The following NKAIN2 variants were observed in gnomAD, a reference collection of about 807,000 sequenced individuals.
The protein encoded by NKAIN2 is sodium/potassium-transporting ATPase subunit beta-1-interacting protein 2.
A neutral mutation model predicts 32.6 loss-of-function variants in NKAIN2; 14 were observed. The observed-to-expected ratio is 0.43, with a 90% CI of 0.28 to 0.67. The LOEUF is 0.67. NKAIN2 is among the 30% of genes least tolerant of loss of function. The pLI is 0.17. For synonymous variants in NKAIN2, 80 were observed against 87.2 expected, an observed-to-expected ratio of 0.92 and a Z score of 0.46; for missense variants, 198 against 258.3, an observed-to-expected ratio of 0.77 and a Z score of 1.60.
chr6:124,460,252 T>G (rs1776480909), intron 3 of NKAIN2, among the ~76,000 whole-genome samples: 1 of 151,814 alleles, frequency 6.6e-6, no homozygotes, highest in African/African-American at 2.4e-5. Flanking sequence ...AGTTCTACTT[T>G]AAAATATTTT....
chr6:124,554,021 A>G (rs564274118), intron 3 of NKAIN2, among the ~76,000 whole-genome samples: 8 of 152,346 alleles, frequency 5.3e-5, no homozygotes, highest in African/African-American at 1.9e-4. Context: ...ACAAAATGTT[A>G]TTATCATAAA....
chr6:124,251,857 G>A (rs1024864855), intron 1 of NKAIN2, among the ~76,000 whole-genome samples: 1 of 151,902 alleles, frequency 6.6e-6, no homozygotes, highest in African/African-American at 2.4e-5. Context: ...TGCCTAAAAA[G>A]TCTACTTCTA....
chr6:124,252,907 A>C (rs904754583), intron 1 of NKAIN2, among the ~76,000 whole-genome samples: 1 of 152,212 alleles, frequency 6.6e-6, no homozygotes, highest in Non-Finnish European at 1.5e-5. Flanking sequence ...CACTTAAAAC[A>C]GTGCCTGATA....
At chr6:124,402,412 TAA>T (rs1291607628) in intron 3 of NKAIN2, among the ~76,000 whole-genome samples, 1 of 152,228 alleles carries the variant, frequency 6.6e-6, no homozygotes, top group Non-Finnish European at 1.5e-5. Context: ...TGTGTTGTGA[TAA>T]GTCAAGTGTT....
intron 2 of NKAIN2, among the ~76,000 whole-genome samples, chr6:124,321,758 C>T (rs889835262): frequency 1.3e-5 from 2 of 152,108 alleles, no homozygotes; most frequent in African/African-American, 4.8e-5. Flanking sequence ...TTTGGGGGCC[C>T]TCCTTGCAAA....
At chr6:123,871,020 A>G (rs563863884) in intron 1 of NKAIN2, among the ~76,000 whole-genome samples, 1 of 152,042 alleles carries the variant, frequency 6.6e-6, no homozygotes, top group South Asian at 2.1e-4. Flanking sequence ...GCATGCTTAC[A>G]TTGCTGATTC....
intron 1 of NKAIN2, among the ~76,000 whole-genome samples, chr6:124,124,680 C>G (rs1786072548): frequency 1.3e-5 from 2 of 152,072 alleles, no homozygotes; most frequent in Admixed American, 1.3e-4. Flanking sequence ...AGTATTACGC[C>G]TGTCTTTGTA....
At chr6:124,011,953 T>G (rs1347667152) in intron 1 of NKAIN2, among the ~76,000 whole-genome samples, 1 of 152,194 alleles carries the variant, frequency 6.6e-6, no homozygotes, top group Admixed American at 6.5e-5. Flanking sequence ...AAATCTGCAA[T>G]AAGTCATAGG....
intron 1 of NKAIN2, among the ~76,000 whole-genome samples, chr6:124,162,291 A>G (rs1788320480): frequency 6.6e-6 from 1 of 152,130 alleles, no homozygotes; most frequent in African/African-American, 2.4e-5. Context: ...TTAGACTGGT[A>G]TGATGGAAGA....
intron 3 of NKAIN2, among the ~76,000 whole-genome samples, chr6:124,588,790 A>G (rs185410583): frequency 6.6e-6 from 1 of 152,120 alleles, no homozygotes; most frequent in Non-Finnish European, 1.5e-5. Context: ...AGCCTCAGGG[A>G]CCATAGAGAG....
chr6:124,189,428 C>T (rs540404211), intron 1 of NKAIN2, among the ~76,000 whole-genome samples: 31 of 152,184 alleles, frequency 2.0e-4, no homozygotes, highest in African/African-American at 7.0e-4. Flanking sequence ...AAGCCAGGTG[C>T]GGTGACTCAC....
intron 3 of NKAIN2, among the ~76,000 whole-genome samples, chr6:124,413,002 C>T (rs945633265): frequency 6.6e-6 from 1 of 152,074 alleles, no homozygotes; most frequent in Non-Finnish European, 1.5e-5. Context: ...CCTGGTGTGC[C>T]GTTTGTTAAG....
intron 1 of NKAIN2, among the ~76,000 whole-genome samples, chr6:123,841,211 A>T (rs1774854633): frequency 6.6e-6 from 1 of 152,184 alleles, no homozygotes; most frequent in African/African-American, 2.4e-5. Context: ...TTTGCACCGT[A>T]TCTTTGGGAA....
At chr6:124,033,037 T>A (rs187829386) in intron 1 of NKAIN2, among the ~76,000 whole-genome samples, 1 of 152,268 alleles carries the variant, frequency 6.6e-6, no homozygotes, top group East Asian at 1.9e-4. Flanking sequence ...ACTGGTAGGA[T>A]AGACACTTTT....
In NKAIN2 at chr6:123,904,522, C is replaced by G. The variant is rs575359275; in HGVS notation, c.54+100268C>G. 1.4e-4 allele frequency among the ~76,000 whole-genome samples: 22 copies of G among 152,294 alleles called. No individual in the cohort carries two copies. The East Asian group carries it at 2.7e-3, about 19-fold the overall frequency. ...CCCGGGTTACCCTCTCAGACTTTTG[C>G]AATGTTCAGCCTTGCTTTAATGGTT... On this transcript the variant is annotated intron_variant, in intron 1 of 6. Coordinates refer to ENST00000368417, the MANE Select transcript of NKAIN2 (RefSeq NM_001040214.3).
chr6:124,023,763 A>G (rs1341362634), intron 1 of NKAIN2, among the ~76,000 whole-genome samples: 1 of 152,176 alleles, frequency 6.6e-6, no homozygotes, highest in Non-Finnish European at 1.5e-5. Flanking sequence ...CAAGAAAGAT[A>G]TTTGTATATT....
rs72226512 is a variant in NKAIN2, at chr6:123,988,874, A to AGT, written c.54+184651_54+184652dup. 3.4e-3 allele frequency among the ~76,000 whole-genome samples: 454 copies of AGT among 134,386 alleles called. 1 individual carries two copies. Among genetic ancestry groups the AGT allele is most frequent in the African/African-American group, 6.6e-3 (245 of 37,034 alleles). The allele number at this position is 134,386 out of a possible 152,430, so 88.2% of individuals were successfully genotyped here. On this transcript the variant is annotated intron_variant, in intron 1 of 6. Coordinates refer to ENST00000368417, the MANE Select transcript of NKAIN2 (RefSeq NM_001040214.3). Reference sequence around the variant, plus strand: ...TTGCTGTAGATATTTGAACCTTAAGAGTGTGTGTGTGTGTGTGTGTGTGTG... The same window carrying AGT: ...TTGCTGTAGATATTTGAACCTTAAGAGTGTGTGTGTGTGTGTGTGTGTGTGTG...
At chr6:124,119,241 T>C (rs986971737) in intron 1 of NKAIN2, among the ~76,000 whole-genome samples, 14 of 152,146 alleles carry the variant, frequency 9.2e-5, no homozygotes, top group African/African-American at 3.4e-4. Flanking sequence ...TGAATGAGTG[T>C]AATTAATCGG....
intron 1 of NKAIN2, among the ~76,000 whole-genome samples, chr6:124,121,363 C>A (rs1021101581): frequency 2.6e-5 from 4 of 151,824 alleles, no homozygotes; most frequent in African/African-American, 9.7e-5. Flanking sequence ...ATATCACCAC[C>A]CATAATTGAT....
Sources: allele counts gnomAD v4.1 joint callset (sites outside exome capture counted in the v4.1 genomes callset), GRCh38; gene constraint gnomAD v4.1.1; transcripts MANE v1.5; gene names NCBI Gene and HGNC (gene_info 2026-07-23, HGNC 2026-07-21).